The following ZNF618 variants were observed in gnomAD, a reference collection of about 807,000 sequenced individuals.
ZNF618 encodes the protein neural precursor cell expressed, developmentally down-regulated 10.
Under a neutral mutation model 103.0 loss-of-function variants are expected in ZNF618, and 34 were observed. The observed-to-expected ratio is 0.33, with a 90% CI of 0.25 to 0.44. The LOEUF (loss-of-function observed/expected upper bound fraction) is 0.44, where lower values mean the gene tolerates loss of function less well. Ranked by LOEUF, ZNF618 falls within the 20% of genes least tolerant of loss-of-function variation. The pLI, the probability that ZNF618 is intolerant of heterozygous loss-of-function variation, is 1.00. For missense variants in ZNF618, 1,059 were observed against 1,295.4 expected (o/e 0.82, Z 2.80); for synonymous variants, 551 against 542.2 (o/e 1.02, Z -0.23).
chr9:113,917,971 C>T lies in ZNF618; in HGVS notation c.33+41558C>T, dbSNP rs564728703. Among the ~76,000 whole-genome samples, 134 of 152,188 alleles carry T rather than the reference C, an allele frequency of 8.8e-4. 1 individual carries two copies. The highest frequency in any genetic ancestry group is 3.1e-3 in the African/African-American group (129 of 41,508). On this transcript the variant is annotated intron_variant, in intron 1 of 14. Coordinates refer to ENST00000374126, the MANE Select transcript of ZNF618 (RefSeq NM_001318042.2). The stretch of plus-strand genomic sequence containing the variant: ...GACCTATTCACATTTCACCAATGGC[C>T]CCATTAATGGTCTTTTTTCTGGCCT...
chr9:114,007,063 G>A (rs1336455221), intron 6 of ZNF618, among the ~76,000 whole-genome samples: 3 of 152,306 alleles, frequency 2.0e-5, no homozygotes, highest in Non-Finnish European at 4.4e-5. Flanking sequence ...ACCAGGTCTA[G>A]TCCAGACTCA....
At position 113,951,477 on chromosome 9, in the gene ZNF618, GTA is replaced by G. The variant is rs374877507; in HGVS notation, c.34-17639_34-17638del. ...TATATATACATATATGTGTGTATGT[GTA>G]CACATATATGTGTGTATGTGTACAC... On this transcript the variant is annotated intron_variant, in intron 1 of 14. Transcript: ENST00000374126. Among the ~76,000 whole-genome samples, 5 of 11,768 alleles carry G rather than the reference GTA, an allele frequency of 4.2e-4. 1 individual carries two copies. Among genetic ancestry groups the G allele is most frequent in the East Asian group, 6.0e-3 (1 of 166 alleles). The allele number at this position is 11,768 out of a possible 152,430, so 7.7% of individuals were successfully genotyped here.
At chr9:114,013,085 A>G (rs1426273711) in intron 9 of ZNF618, among the ~76,000 whole-genome samples, 1 of 152,210 alleles carries the variant, frequency 6.6e-6, no homozygotes, top group Non-Finnish European at 1.5e-5. Flanking sequence ...TCTCTGCAAT[A>G]CTAAATCTTA....
chr9:114,028,639 G>A lies in ZNF618; in HGVS notation c.845-94G>A. The stretch of plus-strand genomic sequence containing the variant: ...CACAAGAAGAGGTTGGACAGAGACA[G>A]TCCCAACCCTGGAATGTGGGGCTGG... On this transcript the variant is annotated intron_variant, in intron 10 of 14. Coordinates refer to ENST00000374126, the MANE Select transcript of ZNF618 (RefSeq NM_001318042.2). 4 of 1,454,956 alleles carry A rather than the reference G, an allele frequency of 2.7e-6. No individual in the cohort carries two copies. In the South Asian group the frequency reaches 5.6e-5, roughly 20 times the overall value. 90.1% of individuals were successfully genotyped at this position (1,454,956 alleles called of 1,614,324 possible).
intron 9 of ZNF618, among the ~76,000 whole-genome samples, chr9:114,012,991 GA>G (rs34650597): frequency 0.34 from 48,834 of 145,676 alleles, 8,570 homozygotes; most frequent in East Asian, 0.61. Flanking sequence ...AAAACTATAG[GA>G]AAAAAAAAAA....
intron 4 of ZNF618, among the ~76,000 whole-genome samples, chr9:113,999,302 G>A (rs1298490724): frequency 2.1e-5 from 3 of 142,550 alleles, no homozygotes; most frequent in Admixed American, 2.0e-4. Flanking sequence ...TGAGCTAGGG[G>A]CAGGCGGGGC....
In ZNF618 at chr9:113,928,442, GT is replaced by G. The variant is rs1207408507; in HGVS notation, c.34-40673del. On this transcript the variant is annotated intron_variant, in intron 1 of 14. Coordinates refer to ENST00000374126, the MANE Select transcript of ZNF618 (RefSeq NM_001318042.2). The stretch of plus-strand genomic sequence containing the variant: ...TCTGATGTCTGCTGTCTCTCTTCAG[GT>G]TGTGTTTCTTTCCTTGCCTTTTAGA... Among the ~76,000 whole-genome samples, 3 of 152,248 alleles carry G rather than the reference GT, an allele frequency of 2.0e-5. No homozygotes were observed. The East Asian group carries it at 5.8e-4, about 29-fold the overall frequency.
intron 6 of ZNF618, among the ~76,000 whole-genome samples, chr9:114,006,869 C>T (rs537145104): frequency 3.0e-4 from 45 of 152,296 alleles, no homozygotes; most frequent in African/African-American, 1.1e-3. Flanking sequence ...TGGCTGTTCA[C>T]CAGAGGCCAC....
In ZNF618 at chr9:114,050,375, CTGTGGT is replaced by C; in HGVS notation, c.*214_*219del. 1.8e-6 allele frequency: 1 copy of C among 551,474 alleles called. No homozygotes were observed. Among genetic ancestry groups the C allele is most frequent in the Non-Finnish European group, 3.0e-6 (1 of 334,404 alleles). The allele number at this position is 551,474 out of a possible 1,614,324, so 34.2% of individuals were successfully genotyped here. Reference sequence around the variant, plus strand: ...GTGTGTGCACGTGTCTGAACACGTGCTGTGGTTGTGGGGGTGTGGGGGGGTCTCTGT... The same window carrying C: ...GTGTGTGCACGTGTCTGAACACGTGCTGTGGGGGTGTGGGGGGGTCTCTGT... On this transcript the variant is annotated 3_prime_UTR_variant, in exon 15 of 15. Coordinates refer to ENST00000374126, the MANE Select transcript of ZNF618 (RefSeq NM_001318042.2).
intron 1 of ZNF618, among the ~76,000 whole-genome samples, chr9:113,906,100 G>T (rs879321943): frequency 6.6e-6 from 1 of 152,200 alleles, no homozygotes; most frequent in Non-Finnish European, 1.5e-5. Flanking sequence ...AGTGCTTCTT[G>T]TATCAGTATT....
At chr9:113,986,596 C>T (rs968212588) in intron 2 of ZNF618, among the ~76,000 whole-genome samples, 1 of 152,190 alleles carries the variant, frequency 6.6e-6, no homozygotes, top group East Asian at 1.9e-4. Flanking sequence ...TCCCTTCTTA[C>T]AAAGCCACCA....
chr9:114,032,856 G>T, intron 12 of ZNF618, 128 bp downstream of exon 12: 5 of 816,428 alleles, frequency 6.1e-6, no homozygotes, highest in Non-Finnish European at 1.0e-5. Context: ...TTGGGAGGAG[G>T]CTGGGAGCAG....
At chr9:113,928,202 A>G (rs540390744) in intron 1 of ZNF618, among the ~76,000 whole-genome samples, 1 of 152,170 alleles carries the variant, frequency 6.6e-6, no homozygotes, top group Non-Finnish European at 1.5e-5. Flanking sequence ...GCTACTGATG[A>G]GCTCATTAAA....
intron 11 of ZNF618, among the ~76,000 whole-genome samples, chr9:114,030,047 A>G (rs1843869690): frequency 6.6e-6 from 1 of 152,202 alleles, no homozygotes; most frequent in Non-Finnish European, 1.5e-5. Context: ...TCAGGAGACC[A>G]AAGCCATTTC....
At chr9:113,926,340 C>T (rs4287014) in intron 1 of ZNF618, among the ~76,000 whole-genome samples, 6,611 of 151,830 alleles carry the variant, frequency 0.044, 147 homozygotes, top group African/African-American at 0.049. Flanking sequence ...GAGTATGATA[C>T]GCTGGGATAC....
In ZNF618 at chr9:114,052,255, C is replaced by T. The variant is rs1419127560; in HGVS notation, c.*2088C>T. The T allele has an allele frequency of 1.3e-5, 2 of 152,654 alleles. No homozygotes were observed. The highest frequency in any genetic ancestry group is 4.8e-5 in the African/African-American group (2 of 41,436). The allele number at this position is 152,654 out of a possible 1,614,324, so 9.5% of individuals were successfully genotyped here. A position where few individuals can be genotyped will look rare whatever the true frequency, so the allele number is the denominator to read the frequency against. ...TCATGAGAACTCACCCAGCTCTCCC[C>T]TTGAAACTTGGACACACTGAAATGG... On this transcript the variant is annotated 3_prime_UTR_variant, in exon 15 of 15. Transcript: ENST00000374126.
intron 3 of ZNF618, among the ~76,000 whole-genome samples, chr9:113,993,508 T>G (rs1840275343): frequency 6.6e-6 from 1 of 152,242 alleles, no homozygotes; most frequent in Non-Finnish European, 1.5e-5. Context: ...CTCTGAGAGA[T>G]AAGGATGCCC....
At chr9:114,039,603 AGCCCCGCAAAGT>A (rs1844952635) in intron 13 of ZNF618, among the ~76,000 whole-genome samples, 3 of 152,156 alleles carry the variant, frequency 2.0e-5, no homozygotes, top group African/African-American at 7.2e-5. Context: ...CGCCCACCTC[AGCCCCGCAAAGT>A]GCTGGGATTA....
Position 114,054,478 on chromosome 9 carries a change from A to C in ZNF618, c.*4311A>C, listed in dbSNP as rs558443665. 1 of 152,338 alleles carries C rather than the reference A, an allele frequency of 6.6e-6. No individual in the cohort carries two copies. The highest frequency in any genetic ancestry group is 2.1e-4 in the South Asian group (1 of 4,832). The allele number at this position is 152,338 out of a possible 1,614,324, so 9.4% of individuals were successfully genotyped here. On this transcript the variant is annotated 3_prime_UTR_variant, in exon 15 of 15. Coordinates refer to ENST00000374126, the MANE Select transcript of ZNF618 (RefSeq NM_001318042.2). ...TGCCTCTATCTCTGGGATGCATCTTAAGGAGGGCTCCTAACAAGGCCGATG... is the reference window on the plus strand; with the variant it reads ...TGCCTCTATCTCTGGGATGCATCTTCAGGAGGGCTCCTAACAAGGCCGATG...
Sources: gnomAD v4.1 joint callset for allele counts (sites outside exome capture counted in the v4.1 genomes callset) on GRCh38, gnomAD v4.1.1 for gene constraint, MANE v1.5 for transcripts, NCBI Gene and HGNC (gene_info 2026-07-23, HGNC 2026-07-21) for gene names.